Variants in PLCE1 observed in about 807,000 individuals in gnomAD.
PLCE1 encodes phospholipase C epsilon 1.
Under a neutral mutation model 242.8 loss-of-function variants are expected in PLCE1, and 119 were observed. The ratio of observed to expected loss-of-function variants is 0.49; its 90% CI spans 0.42 to 0.57. The LOEUF is 0.57. Among genes scored for constraint, PLCE1 ranks in the 20% least tolerant of loss-of-function variants. The probability of loss-of-function intolerance (pLI) is 0.00; values close to 1 mark genes in which losing one functional copy is unlikely to be tolerated. For missense variants in PLCE1, 2,441 were observed against 2,788.8 expected, an observed-to-expected ratio of 0.88 and a Z score of 2.81; for synonymous variants, 945 against 1,017.4, an observed-to-expected ratio of 0.93 and a Z score of 1.35.
In PLCE1 at chr10:94,329,079, A is replaced by C. The variant is rs1319731581; in HGVS notation, c.*1136A>C. ...TAGAAGCATTAGTTCTCAGTACTTGAAGACAAACTTCTAAAAAGAAAATAT... is the reference window on the plus strand; with the variant it reads ...TAGAAGCATTAGTTCTCAGTACTTGCAGACAAACTTCTAAAAAGAAAATAT... On this transcript the variant is annotated 3_prime_UTR_variant, in exon 33 of 33. Coordinates refer to ENST00000371380, the MANE Select transcript of PLCE1 (RefSeq NM_016341.4). 2 of 152,190 alleles carry C rather than the reference A, an allele frequency of 1.3e-5. No individual in the cohort carries two copies. Among genetic ancestry groups the C allele is most frequent in the Non-Finnish European group, 1.5e-5 (1 of 68,040 alleles). 9.4% of individuals were successfully genotyped at this position (152,190 alleles called of 1,614,324 possible). A position where few individuals can be genotyped will look rare whatever the true frequency, so the allele number is the denominator to read the frequency against.
intron 2 of PLCE1, among the ~76,000 whole-genome samples, chr10:94,073,057 G>T (rs2044405320): frequency 6.6e-6 from 1 of 151,924 alleles, no homozygotes; most frequent in Non-Finnish European, 1.5e-5. Flanking sequence ...TCCTACCCCA[G>T]GGCACACCAG....
At position 94,316,586 on chromosome 10, in the gene PLCE1, G is replaced by C. The variant is rs190025280; in HGVS notation, c.6172G>C (p.Asp2058His). 3 of 1,609,238 alleles carry C rather than the reference G, an allele frequency of 1.9e-6. No individual in the cohort carries two copies. In the African/African-American group the frequency reaches 4.0e-5, roughly 22 times the overall value. Reference sequence around the variant, plus strand: ...ACAAGACATCAAACCTGTTACCACAGACTATTTTTTGATGGAAGAAAAATA... The same window carrying C: ...ACAAGACATCAAACCTGTTACCACACACTATTTTTTGATGGAAGAAAAATA... ...NEQDIKPVTTDYFLMEEKYFI... is the reference protein window; with the variant it reads ...NEQDIKPVTTHYFLMEEKYFI... Residue 2058 changes from aspartate to histidine, a missense_variant, in exon 29 of 33, where the codon GAC becomes CAC. Around this residue, in one of 5 missense-constraint regions of PLCE1, gnomAD observed 310 missense variants for 317.2 expected, o/e 0.98. Transcript: ENST00000371380.
intron 2 of PLCE1, among the ~76,000 whole-genome samples, chr10:94,123,110 T>A (rs2046343723): frequency 6.6e-6 from 1 of 152,224 alleles, no homozygotes; most frequent in Non-Finnish European, 1.5e-5. Flanking sequence ...CAGAAAGTGC[T>A]ACTAGAGCTT....
intron 13 of PLCE1, among the ~76,000 whole-genome samples, chr10:94,259,545 A>C: frequency 6.6e-6 from 1 of 152,138 alleles, no homozygotes; most frequent in Non-Finnish European, 1.5e-5. Flanking sequence ...AGCCTCCCAA[A>C]GTGCTGAGTT....
rs535711461 is a variant in PLCE1, at chr10:94,165,186, C to T, written c.1493-5994C>T. Among the ~76,000 whole-genome samples, 12 of 152,196 alleles carry T rather than the reference C, an allele frequency of 7.9e-5. No homozygotes were observed. In the South Asian group the frequency reaches 8.3e-4, roughly 10 times the overall value. On this transcript the variant is annotated intron_variant, in intron 3 of 32. Coordinates refer to ENST00000371380, the MANE Select transcript of PLCE1 (RefSeq NM_016341.4). The stretch of plus-strand genomic sequence containing the variant: ...GCTGTTAGACAGGGACATTTAAGTC[C>T]GCAGAGGTTTCTTCTGCCTTTTGTT...
At chr10:94,281,259 T>C (rs764597290) in intron 20 of PLCE1, among the ~76,000 whole-genome samples, 14 of 152,176 alleles carry the variant, frequency 9.2e-5, no homozygotes, top group Non-Finnish European at 7.4e-5. Flanking sequence ...CCCCTATAAG[T>C]AGTTAGTCCA....
At chr10:94,187,631 G>A (rs1247128860) in intron 4 of PLCE1, among the ~76,000 whole-genome samples, 1 of 152,080 alleles carries the variant, frequency 6.6e-6, no homozygotes, top group Non-Finnish European at 1.5e-5. Flanking sequence ...GATTCCTCAA[G>A]GGCCAGGGAA....
chr10:94,116,348 G>A (rs1425897490), intron 2 of PLCE1, among the ~76,000 whole-genome samples: 1 of 152,182 alleles, frequency 6.6e-6, no homozygotes, highest in Non-Finnish European at 1.5e-5. Flanking sequence ...TTTTGGAAAT[G>A]GGAAAAGGAT....
At chr10:94,269,095 T>C (rs976278551) in intron 17 of PLCE1, 59 bp downstream of exon 17, 3 of 93,956 alleles carry the variant, frequency 3.2e-5, no homozygotes, top group Middle Eastern at 1.3e-3. Context: ...TTCATTTGTC[T>C]TTTTTTTTTT....
chr10:94,091,711 T>C (rs2045082251), intron 2 of PLCE1, among the ~76,000 whole-genome samples: 1 of 152,054 alleles, frequency 6.6e-6, no homozygotes, highest in Non-Finnish European at 1.5e-5. Flanking sequence ...AGCTTCAGCA[T>C]AAAAATGCCA....
chr10:94,149,303 T>A (rs2047206211), intron 3 of PLCE1, among the ~76,000 whole-genome samples: 1 of 152,212 alleles, frequency 6.6e-6, no homozygotes, highest in Non-Finnish European at 1.5e-5. Context: ...GCTACTTGAA[T>A]CAGTCTTTGA....
intron 20 of PLCE1, 162 bp from the exon 21 acceptor site, chr10:94,283,628 A>G (rs1418801213): frequency 1.4e-6 from 1 of 698,134 alleles, no homozygotes; most frequent in African/African-American, 1.8e-5. Context: ...CCCAATTTTT[A>G]CAGTTATGCT....
intron 1 of PLCE1, among the ~76,000 whole-genome samples, chr10:94,004,858 G>A (rs2061004126): frequency 6.6e-6 from 1 of 152,134 alleles, no homozygotes; most frequent in South Asian, 2.1e-4. Flanking sequence ...GTGGGGACCT[G>A]ACACTTTCTG....
chr10:94,184,385 A>G (rs1164893703), intron 4 of PLCE1, among the ~76,000 whole-genome samples: 5 of 152,162 alleles, frequency 3.3e-5, no homozygotes, highest in Non-Finnish European at 5.9e-5. Flanking sequence ...CTGGAGTGCA[A>G]TGGCACGACG....
At chr10:94,079,865 G>C (rs2044607357) in intron 2 of PLCE1, among the ~76,000 whole-genome samples, 1 of 152,168 alleles carries the variant, frequency 6.6e-6, no homozygotes, top group African/African-American at 2.4e-5. Flanking sequence ...CATATGCAAG[G>C]AACTTTCCTA....
At chr10:94,296,317 G>A (rs1241632191) in intron 23 of PLCE1, among the ~76,000 whole-genome samples, 1 of 144,220 alleles carries the variant, frequency 6.9e-6, no homozygotes, top group Non-Finnish European at 1.5e-5. Context: ...AGTGAGCCAA[G>A]ATCGCACCAC....
chr10:94,092,562 A>T (rs866051386), intron 2 of PLCE1, among the ~76,000 whole-genome samples: 1 of 150,788 alleles, frequency 6.6e-6, no homozygotes, highest in Admixed American at 6.6e-5. Flanking sequence ...CCAGTAAAAA[A>T]GTTCACATAA....
At chr10:94,074,573 T>C (rs1337688123) in intron 2 of PLCE1, among the ~76,000 whole-genome samples, 2 of 152,170 alleles carry the variant, frequency 1.3e-5, no homozygotes, top group Non-Finnish European at 2.9e-5. Flanking sequence ...GTTTAGTAAA[T>C]CTGGTGATTT....
chr10:94,008,901 G>A (rs72812645), intron 1 of PLCE1, among the ~76,000 whole-genome samples: 395 of 152,220 alleles, frequency 2.6e-3, no homozygotes, highest in Admixed American at 6.7e-3. Flanking sequence ...AGGCTGAGCC[G>A]TGTGTATGGG....
Sources: gnomAD v4.1 joint callset for allele counts (sites outside exome capture counted in the v4.1 genomes callset) on GRCh38, gnomAD v4.1.1 for gene constraint, gnomAD v4.1.1 regional missense constraint, MANE v1.5 for transcripts, NCBI Gene and HGNC (gene_info 2026-07-23, HGNC 2026-07-21) for gene names.